RBFOX1: variants seen among roughly 807,000 people sequenced by gnomAD.
RBFOX1 encodes the protein RNA binding fox-1 homolog 1.
In RBFOX1, 8 loss-of-function variants were observed where a neutral mutation model predicts 57.7. The ratio of observed to expected loss-of-function variants is 0.14; its 90% confidence interval spans 0.08 to 0.25. RBFOX1 has a LOEUF of 0.25. RBFOX1 is among the 10% of genes least tolerant of loss of function. The pLI, the probability that RBFOX1 is intolerant of heterozygous loss-of-function variation, is 1.00. For synonymous variants in RBFOX1, 326 were observed against 222.4 expected (o/e 1.47, Z -4.15); for missense variants, 611 against 548.5 (o/e 1.11, Z -1.14).
intron 1 of RBFOX1, among the ~76,000 whole-genome samples, chr16:5,276,139 C>G (rs1169607811): frequency 6.6e-6 from 1 of 152,092 alleles, no homozygotes. Context: ...CAGTTCATAA[C>G]CAAGAACCCA....
intron 1 of RBFOX1, among the ~76,000 whole-genome samples, chr16:6,031,848 A>G (rs537458289): frequency 6.6e-6 from 1 of 152,216 alleles, no homozygotes; most frequent in East Asian, 1.9e-4. Context: ...TTCTGTTTGT[A>G]TGGTACATTC....
intron 3 of RBFOX1, among the ~76,000 whole-genome samples, chr16:5,806,708 A>T (rs1032477543): frequency 6.6e-6 from 1 of 152,210 alleles, no homozygotes; most frequent in African/African-American, 2.4e-5. Context: ...CATCAGTGGG[A>T]AAGACAAGAG....
chr16:6,229,375 C>G (rs1293527848), intron 1 of RBFOX1, among the ~76,000 whole-genome samples: 4 of 152,240 alleles, frequency 2.6e-5, no homozygotes, highest in African/African-American at 7.2e-5. Flanking sequence ...ACTAGGCTCA[C>G]AAGGACTCTT....
intron 10 of RBFOX1, among the ~76,000 whole-genome samples, chr16:7,627,904 T>C (rs1182612646): frequency 2.0e-5 from 3 of 146,372 alleles, no homozygotes. Context: ...GTCAAAATCA[T>C]TGCATAAAGA....
In RBFOX1 at chr16:5,427,728, C is replaced by G. The variant is rs531825044; in HGVS notation, c.220-39488C>G. ...TGCTGTAAGAATTTCCTCTTGCTCC[C>G]GAGAGGTCAGTCTTGTTTTGCTCAT... On this transcript the variant is annotated intron_variant, in intron 1 of 2. Transcript: ENST00000585867. 3.1e-4 allele frequency among the ~76,000 whole-genome samples: 47 copies of G among 152,284 alleles called. 1 individual carries two copies. Among genetic ancestry groups the G allele is most frequent in the African/African-American group, 1.1e-3 (46 of 41,566 alleles).
intron 3 of RBFOX1, among the ~76,000 whole-genome samples, chr16:5,630,454 C>T (rs541835275): frequency 8.2e-4 from 124 of 151,572 alleles, no homozygotes; most frequent in African/African-American, 3.0e-3. Context: ...AAGACTCTGT[C>T]TCGAAAAAAA....
At chr16:6,089,074 AAAAAAT>A (rs932308161) in intron 1 of RBFOX1, among the ~76,000 whole-genome samples, 2 of 144,368 alleles carry the variant, frequency 1.4e-5, no homozygotes, top group Non-Finnish European at 3.0e-5. Context: ...TCAAAAAAAA[AAAAAAT>A]ATATATATAT....
In RBFOX1 at chr16:6,517,737, C is replaced by G. The variant is rs118181071; in HGVS notation, c.-63-136866C>G. Among the ~76,000 whole-genome samples, 751 of 152,306 alleles carry G rather than the reference C, an allele frequency of 4.9e-3. 21 individuals are homozygous for G. In the East Asian group the frequency reaches 0.095, roughly 19 times the overall value. On this transcript the variant is annotated intron_variant, in intron 2 of 15. Coordinates refer to ENST00000550418, the MANE Select transcript of RBFOX1 (RefSeq NM_018723.4). ...TGCACGATGGTTTCAAAATTATCCT[C>G]CTGCACTTTCTGCCACATCCCTTCA...
chr16:6,305,052 G>C (rs990869508), intron 1 of RBFOX1, among the ~76,000 whole-genome samples: 1 of 152,318 alleles, frequency 6.6e-6, no homozygotes, highest in Non-Finnish European at 1.5e-5. Context: ...TCCTGTGTGT[G>C]TGTGAGAGCT....
chr16:6,586,960 A>C (rs1470134455), intron 2 of RBFOX1, among the ~76,000 whole-genome samples: 1 of 152,084 alleles, frequency 6.6e-6, no homozygotes, highest in Non-Finnish European at 1.5e-5. Context: ...GGAATGCTTA[A>C]ATTGGGTTTA....
At position 7,292,628 on chromosome 16, in the gene RBFOX1, G is replaced by C. The variant is rs539777844; in HGVS notation, c.28-225519G>C. On this transcript the variant is annotated intron_variant, in intron 4 of 15. Coordinates refer to ENST00000550418, the MANE Select transcript of RBFOX1 (RefSeq NM_018723.4). ...GGAGGTAAGAGACCTAACAAAGCAC[G>C]AAGTGATGCCAAGCGAGAGTTTTTT... 4.6e-5 allele frequency among the ~76,000 whole-genome samples: 7 copies of C among 151,290 alleles called. 1 individual carries two copies. The South Asian group carries it at 1.3e-3, about 27-fold the overall frequency.
intron 2 of RBFOX1, among the ~76,000 whole-genome samples, chr16:6,439,247 C>T (rs2094315180): frequency 6.6e-6 from 1 of 152,182 alleles, no homozygotes. Context: ...ATCCTTCGGC[C>T]TCTGATGAAA....
At chr16:5,926,702 A>G (rs1395995532) in intron 4 of RBFOX1, among the ~76,000 whole-genome samples, 1 of 152,120 alleles carries the variant, frequency 6.6e-6, no homozygotes, top group Admixed American at 6.5e-5. Context: ...GTCTGCAAAC[A>G]TTTTTACCCA....
In RBFOX1 at chr16:5,983,106, C is replaced by T. The variant is rs2060206581; in HGVS notation, c.351+115771C>T. On this transcript the variant is annotated intron_variant, in intron 4 of 19. Transcript: ENST00000641259. ...GTGCGACTTCACTTCTCACCTGCAT[C>T]TCCGTCTCTCCAATTAACTCCCTGC... Among the ~76,000 whole-genome samples the T allele has an allele frequency of 2.0e-5, 3 of 152,172 alleles. No individual in the cohort carries two copies. In the South Asian group the frequency reaches 6.2e-4, roughly 32 times the overall value.
chr16:6,866,812 G>A lies in RBFOX1; in HGVS notation c.-15-185245G>A, dbSNP rs920206032. On this transcript the variant is annotated intron_variant, in intron 3 of 15. Transcript: ENST00000550418. ...CTGCCTTGGCCTCCCAAACTGCTGG[G>A]ATTACAGGCAGGAGCCACCGCGCCC... Among the ~76,000 whole-genome samples the A allele has an allele frequency of 4.7e-4, 72 of 152,050 alleles. 1 individual carries two copies. The highest frequency in any genetic ancestry group is 1.7e-3 in the African/African-American group (71 of 41,492).
intron 5 of RBFOX1, among the ~76,000 whole-genome samples, chr16:7,564,641 C>A (rs1303035499): frequency 1.3e-5 from 2 of 150,588 alleles, no homozygotes; most frequent in Admixed American, 1.3e-4. Context: ...TCCTGCACTA[C>A]CAGCCTCCAG....
intron 4 of RBFOX1, among the ~76,000 whole-genome samples, chr16:7,076,604 C>G (rs547770048): frequency 6.6e-6 from 1 of 152,130 alleles, no homozygotes; most frequent in Non-Finnish European, 1.5e-5. Context: ...ACTGCTTTAG[C>G]AAAACTTTAT....
rs73526883 is a variant in RBFOX1, at chr16:5,454,744, T to C, written c.220-12472T>C. On this transcript the variant is annotated intron_variant, in intron 1 of 2. Transcript: ENST00000585867. ...TAAAATCTCTCTCTTTCTTTCTTTC[T>C]TTTTCTTTTCTTTTCTTTCTTTCTC... is the stretch of plus-strand genomic sequence containing the variant. Among the ~76,000 whole-genome samples the C allele has an allele frequency of 1.6e-3, 192 of 118,706 alleles. 1 individual carries two copies. Among genetic ancestry groups the C allele is most frequent in the African/African-American group, 5.5e-3 (162 of 29,530 alleles). 77.9% of individuals were successfully genotyped at this position (118,706 alleles called of 152,430 possible). A position where few individuals can be genotyped will look rare whatever the true frequency, so the allele number is the denominator to read the frequency against.
At chr16:6,365,332 G>GTGGA (rs373805599) in intron 2 of RBFOX1, among the ~76,000 whole-genome samples, 10 of 149,332 alleles carry the variant, frequency 6.7e-5, no homozygotes, top group South Asian at 2.1e-4. Flanking sequence ...GGATGGGTGG[G>GTGGA]TGGATGGATG....
Sources: gnomAD v4.1 joint callset for allele counts (sites outside exome capture counted in the v4.1 genomes callset) on GRCh38, gnomAD v4.1.1 for gene constraint, MANE v1.5 for transcripts, NCBI Gene and HGNC (gene_info 2026-07-23, HGNC 2026-07-21) for gene names.